OSBPL9: variants seen among roughly 807,000 people sequenced by gnomAD.
OSBPL9 encodes the protein oxysterol binding protein like 9.
Under a neutral mutation model 106.6 loss-of-function variants are expected in OSBPL9, and 40 were observed. The observed-to-expected ratio is 0.38, with a 90% CI of 0.29 to 0.49. The LOEUF (loss-of-function observed/expected upper bound fraction) is 0.49. Ranked by LOEUF, OSBPL9 falls within the 20% of genes least tolerant of loss-of-function variation. The pLI, the probability that OSBPL9 is intolerant of heterozygous loss-of-function variation, is 0.97. For missense variants in OSBPL9, 609 were observed against 887.2 expected (o/e 0.69, Z 3.98); for synonymous variants, 269 against 295.4 (o/e 0.91, Z 0.92).
At chr1:51,762,360 C>G (rs1244733257) in intron 11 of OSBPL9, among the ~76,000 whole-genome samples, 1 of 151,906 alleles carries the variant, frequency 6.6e-6, no homozygotes, top group Non-Finnish European at 1.5e-5. Flanking sequence ...GAGGAGTCTC[C>G]CTATGTTGCT....
chr1:51,530,193 C>CAAAAAAAAAAACA, the OSBPL9 span, among the ~76,000 whole-genome samples: 1 of 55,636 alleles, frequency 1.8e-5, no homozygotes, highest in East Asian at 3.2e-4. Flanking sequence ...AAAAAAAAAA[C>CAAAAAAAAAAACA]AAAAAAAAAA....
intron 2 of OSBPL9, among the ~76,000 whole-genome samples, chr1:51,611,351 A>G (rs1049962135): frequency 2.0e-5 from 3 of 152,190 alleles, no homozygotes; most frequent in African/African-American, 7.2e-5. Flanking sequence ...AGGACAGTCA[A>G]TGTCTTGTAG....
the OSBPL9 span, among the ~76,000 whole-genome samples, chr1:51,526,806 G>A: frequency 2.6e-5 from 4 of 151,862 alleles, no homozygotes; most frequent in East Asian, 3.9e-4. Flanking sequence ...GTGCAGTGGC[G>A]CAATCTCGGC....
At chr1:51,703,909 G>A (rs572964621) in intron 3 of OSBPL9, among the ~76,000 whole-genome samples, 26 of 152,172 alleles carry the variant, frequency 1.7e-4, no homozygotes, top group African/African-American at 2.6e-4. Flanking sequence ...GGTTTTTGTC[G>A]TTGGTTCTGT....
At chr1:51,630,070 T>G (rs1404662970) in intron 1 of OSBPL9, among the ~76,000 whole-genome samples, 1 of 151,140 alleles carries the variant, frequency 6.6e-6, no homozygotes, top group African/African-American at 2.4e-5. Flanking sequence ...AGATGGGGAG[T>G]GTAGACAATT....
At chr1:51,771,009 A>G (rs1673752490) in intron 12 of OSBPL9, among the ~76,000 whole-genome samples, 1 of 152,164 alleles carries the variant, frequency 6.6e-6, no homozygotes, top group East Asian at 1.9e-4. Flanking sequence ...TGTAAGAAAT[A>G]TACCTCTCTG....
the OSBPL9 span, among the ~76,000 whole-genome samples, chr1:51,555,757 G>T: frequency 1.3e-4 from 20 of 151,806 alleles, no homozygotes; most frequent in African/African-American, 4.6e-4. Context: ...TTTTAGTAGA[G>T]ACAGGGTTTC....
chr1:51,541,770 T>G, the OSBPL9 span, among the ~76,000 whole-genome samples: 1 of 152,210 alleles, frequency 6.6e-6, no homozygotes, highest in Non-Finnish European at 1.5e-5. Flanking sequence ...ACTTAAGGGC[T>G]GGGCTTCCCA....
intron 4 of OSBPL9, among the ~76,000 whole-genome samples, chr1:51,717,122 C>T (rs530444372): frequency 6.3e-4 from 96 of 152,154 alleles, no homozygotes; most frequent in Middle Eastern, 3.4e-3. Context: ...TGCACCACCA[C>T]GCCTGGCTAA....
intron 3 of OSBPL9, 121 bp downstream of exon 3, chr1:51,669,633 A>G (rs765426393): frequency 1.0e-5 from 9 of 866,800 alleles, no homozygotes; most frequent in African/African-American, 1.7e-5. Flanking sequence ...ACGAGTGCAT[A>G]GGAACATTCT....
At chr1:51,526,629 A>G in the OSBPL9 span, among the ~76,000 whole-genome samples, 3 of 152,186 alleles carry the variant, frequency 2.0e-5, no homozygotes, top group Admixed American at 6.5e-5. Context: ...GAGATTCACA[A>G]TCAACACTGG....
At chr1:51,683,204 G>A (rs1278588671) in intron 3 of OSBPL9, among the ~76,000 whole-genome samples, 3 of 150,896 alleles carry the variant, frequency 2.0e-5, no homozygotes, top group African/African-American at 7.3e-5. Context: ...TTTTGAGATG[G>A]AGTTTCGCTC....
intron 1 of OSBPL9, among the ~76,000 whole-genome samples, chr1:51,625,630 C>T (rs1644723114): frequency 6.6e-6 from 1 of 151,938 alleles, no homozygotes; most frequent in Admixed American, 6.6e-5. Flanking sequence ...AAAATCCTCC[C>T]ACCTCACCTC....
intron 3 of OSBPL9, among the ~76,000 whole-genome samples, chr1:51,711,162 C>G (rs1659722406): frequency 6.6e-6 from 1 of 152,106 alleles, no homozygotes. Flanking sequence ...CACCTTTCCC[C>G]CCTTTCTATT....
intron 2 of OSBPL9, among the ~76,000 whole-genome samples, chr1:51,663,759 C>T (rs1245600961): frequency 6.6e-6 from 1 of 152,172 alleles, no homozygotes; most frequent in Non-Finnish European, 1.5e-5. Flanking sequence ...CATTGAAGGG[C>T]TCATACCCAT....
chr1:51,534,900 C>A, the OSBPL9 span, among the ~76,000 whole-genome samples: 1 of 152,242 alleles, frequency 6.6e-6, no homozygotes, highest in Non-Finnish European at 1.5e-5. Flanking sequence ...GGATCCCTTT[C>A]AATTCTGACA....
chr1:51,610,885 C>G (rs1643982801), intron 2 of OSBPL9, among the ~76,000 whole-genome samples: 1 of 152,158 alleles, frequency 6.6e-6, no homozygotes, highest in South Asian at 2.1e-4. Context: ...TCAAAGAACC[C>G]AAGAGATAGG....
chr1:51,730,067 C>A, intron 4 of OSBPL9: 1 of 1,276,092 alleles, frequency 7.8e-7, no homozygotes. Context: ...GGGTCCCGGC[C>A]GCCAGGCCGG....
At chr1:51,569,395 T>C in the OSBPL9 span, among the ~76,000 whole-genome samples, 22,514 of 152,174 alleles carry the variant, frequency 0.15, 3,120 homozygotes, top group African/African-American at 0.36. Flanking sequence ...GTTGCTTTTT[T>C]CAGGTCTTTG....
Sources: gnomAD v4.1 joint callset for allele counts (sites outside exome capture counted in the v4.1 genomes callset) on GRCh38, gnomAD v4.1.1 for gene constraint, MANE v1.5 for transcripts, NCBI Gene and HGNC (gene_info 2026-07-23, HGNC 2026-07-21) for gene names.